ROBO1: variants seen among roughly 807,000 people sequenced by gnomAD.
ROBO1 encodes roundabout homolog 1.
ROBO1 carries 149 observed loss-of-function variants against 195.9 expected under a neutral mutation model. The observed-to-expected ratio is 0.76, with a 90% CI of 0.67 to 0.87. ROBO1 has a LOEUF of 0.87. ROBO1 is among the 40% of genes least tolerant of loss of function. ROBO1 has a pLI of 0.00. For missense variants in ROBO1, 1,933 were observed against 2,068.3 expected, an observed-to-expected ratio of 0.93 and a Z score of 1.27; for synonymous variants, 816 against 733.2, an observed-to-expected ratio of 1.11 and a Z score of -1.82.
chr3:79,445,645 C>T (rs2039224171), intron 2 of ROBO1, among the ~76,000 whole-genome samples: 1 of 150,942 alleles, frequency 6.6e-6, no homozygotes, highest in South Asian at 2.1e-4. Context: ...TGCAGGTGCA[C>T]ACCATCAGGC....
chr3:79,289,608 T>C lies in ROBO1; in HGVS notation c.89-164069A>G, dbSNP rs996869776. 4.6e-5 allele frequency among the ~76,000 whole-genome samples: 7 copies of C among 152,328 alleles called. No homozygotes were observed. The East Asian group carries it at 1.2e-3, about 25-fold the overall frequency. On this transcript the variant is annotated intron_variant, in intron 2 of 30. Coordinates refer to ENST00000464233, the MANE Select transcript of ROBO1 (RefSeq NM_002941.4). ...TTGATCTGGGTGTTATATAGTACCA[T>C]AGATAATTCTCAACAGCTGAGCTGC...
At position 79,567,079 on chromosome 3, in the gene ROBO1, A is replaced by G. The variant is rs563718152; in HGVS notation, c.88+22745T>C. Among the ~76,000 whole-genome samples, 2 of 152,212 alleles carry G rather than the reference A, an allele frequency of 1.3e-5. 1 individual carries two copies. Among genetic ancestry groups the G allele is most frequent in the South Asian group, 4.1e-4 (2 of 4,834 alleles). On this transcript the variant is annotated intron_variant, in intron 2 of 30. Coordinates refer to ENST00000464233, the MANE Select transcript of ROBO1 (RefSeq NM_002941.4). ...CATGGAATACTATGCAGCCGTAAAA[A>G]GAAGAATATAATGTCCATTGCAGGG...
intron 2 of ROBO1, among the ~76,000 whole-genome samples, chr3:79,422,729 T>C (rs1295733169): frequency 6.6e-6 from 1 of 152,166 alleles, no homozygotes; most frequent in Non-Finnish European, 1.5e-5. Flanking sequence ...ATGTCATACC[T>C]AAGTTCTCAA....
intron 3 of ROBO1, among the ~76,000 whole-genome samples, chr3:78,948,091 G>A (rs2040556609): frequency 3.3e-5 from 5 of 152,008 alleles, no homozygotes; most frequent in Admixed American, 3.3e-4. Context: ...TTCTACCAGA[G>A]GTAGAAAAAG....
chr3:79,148,106 C>T (rs895350618), intron 2 of ROBO1, among the ~76,000 whole-genome samples: 7 of 151,586 alleles, frequency 4.6e-5, no homozygotes, highest in East Asian at 1.9e-4. Flanking sequence ...TTATGTAGGC[C>T]GCAATAATTA....
intron 5 of ROBO1, among the ~76,000 whole-genome samples, chr3:78,733,661 A>G (rs1313681223): frequency 2.6e-5 from 4 of 152,238 alleles, no homozygotes; most frequent in Non-Finnish European, 4.4e-5. Context: ...TGAGAATTAA[A>G]TAAACTATTT....
At chr3:79,087,887 C>A (rs1032421130) in intron 3 of ROBO1, among the ~76,000 whole-genome samples, 6 of 152,074 alleles carry the variant, frequency 3.9e-5, no homozygotes, top group African/African-American at 1.4e-4. Flanking sequence ...ACACGTCTTT[C>A]TAAAGACTTG....
chr3:79,549,403 A>T (rs1261161472), intron 2 of ROBO1, among the ~76,000 whole-genome samples: 1 of 152,054 alleles, frequency 6.6e-6, no homozygotes, highest in Non-Finnish European at 1.5e-5. Flanking sequence ...AACACAACCA[A>T]CCCTTACTAG....
chr3:78,860,326 A>ATATATATATATATTTTTT (rs376853384), intron 4 of ROBO1, among the ~76,000 whole-genome samples: 1 of 93,506 alleles, frequency 1.1e-5, no homozygotes, highest in Admixed American at 1.2e-4. Flanking sequence ...ATATATATAT[A>ATATATATATATATTTTTT]TTTTTTTTTT....
chr3:78,853,459 T>TGG (rs568460179), intron 4 of ROBO1, among the ~76,000 whole-genome samples: 7,358 of 77,834 alleles, frequency 0.095, 435 homozygotes, highest in African/African-American at 0.23. Flanking sequence ...TATGTATGTG[T>TGG]GGGGTGTGTG....
chr3:79,623,777 G>T (rs1203276618), intron 1 of ROBO1, among the ~76,000 whole-genome samples: 1 of 152,130 alleles, frequency 6.6e-6, no homozygotes, highest in Non-Finnish European at 1.5e-5. Context: ...CATACTTCAG[G>T]ATATAATCCA....
At chr3:79,357,995 A>T (rs2035623747) in intron 2 of ROBO1, among the ~76,000 whole-genome samples, 1 of 152,078 alleles carries the variant, frequency 6.6e-6, no homozygotes, top group Non-Finnish European at 1.5e-5. Flanking sequence ...AGAAATACAA[A>T]ATTGGGGTTT....
chr3:78,690,920 T>C (rs1017770758), intron 8 of ROBO1, among the ~76,000 whole-genome samples: 2 of 152,118 alleles, frequency 1.3e-5, no homozygotes, highest in African/African-American at 2.4e-5. Flanking sequence ...CAAAGACTTA[T>C]TTGAGAACAA....
chr3:78,670,198 T>C lies in ROBO1; in HGVS notation c.1446A>G (p.Pro482=). 1 of 1,611,386 alleles carries C rather than the reference T, an allele frequency of 6.2e-7. No individual in the cohort carries two copies. Among genetic ancestry groups the C allele is most frequent in the South Asian group, 1.1e-5 (1 of 90,572 alleles). Residue 482 remains proline, a synonymous_variant, in exon 11 of 31, where the codon CCA becomes CCG. Coordinates refer to ENST00000464233, the MANE Select transcript of ROBO1 (RefSeq NM_002941.4). The part of the protein sequence containing the change: ...FVLSCVATGS[P]VPTILWRKDG... ...CCTTTCTCCACAGAATGGTGGGCACTGGACTGCCTGTGGCCACACAGCTGA... is the reference window on the plus strand; with the variant it reads ...CCTTTCTCCACAGAATGGTGGGCACCGGACTGCCTGTGGCCACACAGCTGA...
intron 4 of ROBO1, among the ~76,000 whole-genome samples, chr3:78,784,184 G>C (rs1227594792): frequency 6.6e-6 from 1 of 151,900 alleles, no homozygotes; most frequent in Non-Finnish European, 1.5e-5. Context: ...TTTTAATGTA[G>C]GTTATTTGAG....
intron 4 of ROBO1, among the ~76,000 whole-genome samples, chr3:78,804,898 T>C (rs1360369343): frequency 6.6e-6 from 1 of 152,172 alleles, no homozygotes; most frequent in Non-Finnish European, 1.5e-5. Context: ...TTCAGGCATT[T>C]CTCTTTTAAG....
chr3:79,456,943 A>G (rs115529819), intron 2 of ROBO1, among the ~76,000 whole-genome samples: 1,695 of 152,152 alleles, frequency 0.011, 32 homozygotes, highest in African/African-American at 0.039. Context: ...CTTTCAAGGT[A>G]AATATATCCC....
chr3:79,549,582 A>G (rs573179740), intron 2 of ROBO1, among the ~76,000 whole-genome samples: 4 of 152,322 alleles, frequency 2.6e-5, no homozygotes, highest in African/African-American at 9.6e-5. Context: ...AACAACTTAC[A>G]TAGCATTTCT....
chr3:79,271,105 A>G (rs1017278945), intron 2 of ROBO1, among the ~76,000 whole-genome samples: 1 of 152,014 alleles, frequency 6.6e-6, no homozygotes, highest in Non-Finnish European at 1.5e-5. Flanking sequence ...TAATGGAGGT[A>G]GAAAAGTAAG....
Sources: gnomAD v4.1 joint callset for allele counts (sites outside exome capture counted in the v4.1 genomes callset) on GRCh38, gnomAD v4.1.1 for gene constraint, MANE v1.5 for transcripts, NCBI Gene and HGNC (gene_info 2026-07-23, HGNC 2026-07-21) for gene names.